PCCB: variants seen among roughly 807,000 people sequenced by gnomAD.
The protein encoded by PCCB is propionyl-CoA carboxylase beta chain, mitochondrial.
A neutral mutation model predicts 60.7 loss-of-function variants in PCCB; 43 were observed. That is an observed-to-expected ratio of 0.71 (90% CI 0.55 to 0.91). The LOEUF (loss-of-function observed/expected upper bound fraction) is 0.91. Among genes scored for constraint, PCCB ranks in the 40% least tolerant of loss-of-function variants. The probability of loss-of-function intolerance (pLI) is 0.00; values close to 1 mark genes in which losing one functional copy is unlikely to be tolerated. For missense variants in PCCB, 766 were observed against 702.8 expected (o/e 1.09, Z -1.02); for synonymous variants, 276 against 255.9 (o/e 1.08, Z -0.75).
rs1273128071 is a variant in PCCB, at chr3:136,326,292, A to G, written c.1091-511A>G. 25 of 700,890 alleles carry G rather than the reference A, an allele frequency of 3.6e-5. No homozygotes were observed. The East Asian group carries it at 3.8e-4, about 11-fold the overall frequency. 43.4% of individuals were successfully genotyped at this position (700,890 alleles called of 1,614,324 possible). ...ACTCTTCTAGGAGGGGAGATTTACT[A>G]GTAATTGAGCTCCTACTCTGTGCTG... is the stretch of plus-strand genomic sequence containing the variant. On this transcript the variant is annotated intron_variant, in intron 10 of 14. Transcript: ENST00000251654.
chr3:136,278,064 A>G (rs1183737821), intron 5 of PCCB, among the ~76,000 whole-genome samples: 3 of 152,190 alleles, frequency 2.0e-5, no homozygotes, highest in Non-Finnish European at 2.9e-5. Flanking sequence ...TGACTTCCCC[A>G]AGGTCCCCTG....
intron 7 of PCCB, among the ~76,000 whole-genome samples, chr3:136,297,473 C>T (rs923861249): frequency 5.3e-5 from 8 of 152,132 alleles, no homozygotes; most frequent in African/African-American, 1.9e-4. Flanking sequence ...TGGCTCCCCT[C>T]CTTTCCTTCC....
chr3:136,255,871 A>G lies in PCCB; in HGVS notation c.199A>G (p.Arg67Gly), dbSNP rs1483202848. The change falls in exon 2 of 15, where the codon AGG becomes GGG. Residue 67 changes from arginine (R) to glycine (G), a missense_variant. Transcript: ENST00000251654. ...AQHKRGKLTA[R>G]ERISLLLDPG... ...TCCATTGTAGGGAAAGCTAACAGCC[A>G]GGGAGAGGATCAGTCTCTTGCTGGA... is the stretch of plus-strand genomic sequence containing the variant. 1.2e-6 allele frequency: 2 copies of G among 1,613,852 alleles called. No homozygotes were observed. The highest frequency in any genetic ancestry group is 1.7e-6 in the Non-Finnish European group (2 of 1,179,934).
At chr3:136,326,583 G>A (rs774892506) in intron 10 of PCCB, among the ~76,000 whole-genome samples, 9 of 152,210 alleles carry the variant, frequency 5.9e-5, no homozygotes, top group Admixed American at 6.5e-5. Flanking sequence ...TGAGTCTGTA[G>A]TAGTCTAGTT....
intron 5 of PCCB, among the ~76,000 whole-genome samples, chr3:136,274,324 A>G (rs1942284335): frequency 1.3e-5 from 2 of 152,126 alleles, no homozygotes; most frequent in African/African-American, 2.4e-5. Context: ...TGGTAGTGGC[A>G]GATTCCCTCG....
At chr3:136,268,049 A>AGTGT (rs1181482923) in intron 5 of PCCB, among the ~76,000 whole-genome samples, 5 of 83,932 alleles carry the variant, frequency 6.0e-5, no homozygotes, top group African/African-American at 1.7e-4. Flanking sequence ...AAACCTGGCT[A>AGTGT]GTGTGTGTGT....
intron 6 of PCCB, among the ~76,000 whole-genome samples, chr3:136,285,926 T>C (rs983392834): frequency 6.6e-6 from 1 of 152,210 alleles, no homozygotes; most frequent in Non-Finnish European, 1.5e-5. Context: ...AAGAGTGCAG[T>C]GGAAAATACT....
intron 9 of PCCB, among the ~76,000 whole-genome samples, chr3:136,306,623 A>T (rs1934458102): frequency 8.1e-6 from 1 of 122,818 alleles, no homozygotes; most frequent in African/African-American, 2.5e-5. Context: ...TACGTTGTAC[A>T]TATATGCAAT....
chr3:136,264,430 A>ATGTGTGTG (rs144141514), intron 5 of PCCB, among the ~76,000 whole-genome samples: 5 of 129,410 alleles, frequency 3.9e-5, no homozygotes, highest in African/African-American at 1.3e-4. Flanking sequence ...TCTCATATAT[A>ATGTGTGTG]TGTGTGTGTG....
chr3:136,294,515 T>C (rs555380387), intron 7 of PCCB, among the ~76,000 whole-genome samples: 5 of 152,132 alleles, frequency 3.3e-5, no homozygotes, highest in African/African-American at 1.2e-4. Context: ...TTTACCATGT[T>C]GCCAGGCTGG....
At chr3:136,325,212 A>G (rs1263173026) in intron 10 of PCCB, among the ~76,000 whole-genome samples, 1 of 151,834 alleles carries the variant, frequency 6.6e-6, no homozygotes, top group Non-Finnish European at 1.5e-5. Flanking sequence ...TCTTTTAGAG[A>G]CAGAGTGTCA....
intron 9 of PCCB, among the ~76,000 whole-genome samples, chr3:136,315,313 G>A (rs144263115): frequency 0.015 from 2,314 of 152,196 alleles, 26 homozygotes; most frequent in Middle Eastern, 0.037. Context: ...CGAGGTGGGC[G>A]GATCACGAGG....
At position 136,297,982 on chromosome 3, in the gene PCCB, T is replaced by A. The variant is rs1458466861; in HGVS notation, c.794T>A (p.Val265Asp). 6.2e-7 allele frequency: 1 copy of A among 1,614,164 alleles called. No individual in the cohort carries two copies. Among genetic ancestry groups the A allele is most frequent in the East Asian group, 2.2e-5 (1 of 44,880 alleles). Residue 265 changes from valine (V) to aspartate (D), a missense_variant, in exon 8 of 15, where the codon GTT becomes GAT. Transcript: ENST00000251654. ...GVAHRAFEND[V>D]DALCNLRDFF... ...GCCCACAGAGCTTTTGAAAATGATG[T>A]TGATGCCTTGTGTAATCTCCGGGAT...
Position 136,328,831 on chromosome 3 carries a change from C to T in PCCB, c.1472C>T (p.Ala491Val), listed in dbSNP as rs771979895. Residue 491 changes from alanine (A) to valine (V), a missense_variant, in exon 14 of 15, where the codon GCC becomes GTC. By Grantham distance (64) the Ala-to-Val change is moderately conservative. Transcript: ENST00000251654. ...AAQAEYIEKF[A>V]NPFPAAVRGF... Reference sequence around the variant, plus strand: ...CAGGCAGAGTACATCGAGAAGTTTGCCAACCCTTTCCCTGCAGCAGTGCGA... The same window carrying T: ...CAGGCAGAGTACATCGAGAAGTTTGTCAACCCTTTCCCTGCAGCAGTGCGA... 8 of 1,614,006 alleles carry T rather than the reference C, an allele frequency of 5.0e-6. 1 individual carries two copies. The Admixed American group carries it at 1.2e-4, about 24-fold the overall frequency.
intron 13 of PCCB, among the ~76,000 whole-genome samples, chr3:136,327,996 G>A (rs1208944224): frequency 1.3e-5 from 2 of 152,166 alleles, no homozygotes; most frequent in Non-Finnish European, 2.9e-5. Flanking sequence ...AGTGAGAGGG[G>A]TCCAGAGTGG....
chr3:136,323,807 CA>C (rs752634366), intron 10 of PCCB, among the ~76,000 whole-genome samples: 1,906 of 91,182 alleles, frequency 0.021, 36 homozygotes, highest in African/African-American at 0.057. Flanking sequence ...CAAAACATCT[CA>C]AAAAAAAAAA....
At chr3:136,273,797 A>G (rs1407502945) in intron 5 of PCCB, among the ~76,000 whole-genome samples, 4 of 148,560 alleles carry the variant, frequency 2.7e-5, no homozygotes, top group Non-Finnish European at 6.0e-5. Flanking sequence ...CTGTAGTCCC[A>G]GCTACTTGTG....
chr3:136,268,099 T>TAC (rs1362837917), intron 5 of PCCB, among the ~76,000 whole-genome samples: 3 of 113,660 alleles, frequency 2.6e-5, no homozygotes, highest in African/African-American at 1.1e-4. Flanking sequence ...TATATATATA[T>TAC]ATATATATAT....
chr3:136,274,031 A>G (rs994132240), intron 5 of PCCB, among the ~76,000 whole-genome samples: 21 of 150,752 alleles, frequency 1.4e-4, no homozygotes, highest in Non-Finnish European at 2.9e-4. Context: ...TATGTGTTAG[A>G]TGACTCTCTT....
Sources: allele counts gnomAD v4.1 joint callset (sites outside exome capture counted in the v4.1 genomes callset), GRCh38; gene constraint gnomAD v4.1.1; transcripts MANE v1.5; gene names NCBI Gene and HGNC (gene_info 2026-07-23, HGNC 2026-07-21).